MTRR: variants seen among roughly 807,000 people sequenced by gnomAD.
The protein encoded by MTRR is 5-methyltetrahydrofolate-homocysteine methyltransferase reductase.
A neutral mutation model predicts 79.2 loss-of-function variants in MTRR; 63 were observed. The ratio of observed to expected loss-of-function variants is 0.80; its 90% confidence interval spans 0.65 to 0.98. MTRR has a LOEUF of 0.98. MTRR is among the 50% of genes least tolerant of loss of function. MTRR has a pLI of 0.00. For synonymous variants in MTRR, 355 were observed against 313.3 expected, an observed-to-expected ratio of 1.13 and a Z score of -1.41; for missense variants, 895 against 839.6, an observed-to-expected ratio of 1.07 and a Z score of -0.82.
intron 2 of MTRR, among the ~76,000 whole-genome samples, chr5:7,862,259 G>GTTT (rs1444092623): frequency 6.6e-6 from 1 of 152,128 alleles, no homozygotes; most frequent in Non-Finnish European, 1.5e-5. Flanking sequence ...CGGAGGACTT[G>GTTT]GAGTCTCTTG....
intron 5 of MTRR, among the ~76,000 whole-genome samples, chr5:7,880,741 G>A (rs1182320930): frequency 6.6e-6 from 1 of 152,110 alleles, no homozygotes; most frequent in South Asian, 2.1e-4. Flanking sequence ...CCAATAATTC[G>A]GTGTTGCCCT....
At chr5:7,850,986 C>T, upstream of MTRR, 3 of 1,297,680 alleles carry the variant, frequency 2.3e-6, no homozygotes, top group South Asian at 2.8e-5. Context: ...TGCCCCGCAG[C>T]GTGGACGCGG....
chr5:7,870,018 C>T (rs1747641047), intron 1 of MTRR: 2 of 985,308 alleles, frequency 2.0e-6, no homozygotes, highest in Non-Finnish European at 2.4e-6. Flanking sequence ...ATTGACAGCC[C>T]ACCAATTTTA....
chr5:7,855,331 GA>G (rs150385415), intron 1 of MTRR, among the ~76,000 whole-genome samples: 3,791 of 145,784 alleles, frequency 0.026, 165 homozygotes, highest in African/African-American at 0.091. Flanking sequence ...GATAAAAAAA[GA>G]AAAAAAGCTT....
intron 1 of MTRR, chr5:7,861,887 G>A: frequency 1.4e-6 from 1 of 692,216 alleles, no homozygotes; most frequent in South Asian, 3.9e-5. Context: ...ACCACAGAAT[G>A]GGTTCTGAAG....
chr5:7,867,437 C>G (rs150488459), upstream of MTRR: 31 of 1,614,074 alleles, frequency 1.9e-5, no homozygotes, highest in Non-Finnish European at 2.6e-5. Flanking sequence ...ACAAAGATTG[C>G]GAACTTCCAT....
intron 2 of MTRR, among the ~76,000 whole-genome samples, chr5:7,872,005 ATT>A (rs3836787): frequency 2.0e-5 from 3 of 150,934 alleles, no homozygotes; most frequent in Admixed American, 6.6e-5. Context: ...TGAATGGTGA[ATT>A]TTTTTTTTTA....
intron 2 of MTRR, chr5:7,862,741 C>G: frequency 8.2e-7 from 1 of 1,217,720 alleles, no homozygotes; most frequent in Non-Finnish European, 1.2e-6. Context: ...CAGAGAACTT[C>G]TATTGCTTCT....
At position 7,900,862 on chromosome 5, in the gene MTRR, T is replaced by C. The variant is rs187494884; in HGVS notation, c.*804T>C. On this transcript the variant is annotated 3_prime_UTR_variant, in exon 15 of 15. Coordinates refer to ENST00000440940, the MANE Select transcript of MTRR (RefSeq NM_002454.3). ...GGCACATTTTTGAGTTTTCCCACAT[T>C]ATTTGTCTCCATGATACCACTCAAG... The C allele has an allele frequency of 7.6e-6, 1 of 130,888 alleles. No homozygotes were observed. The highest frequency in any genetic ancestry group is 2.7e-5 in the African/African-American group (1 of 36,732). 8.1% of individuals were successfully genotyped at this position (130,888 alleles called of 1,614,324 possible).
In MTRR at chr5:7,899,948, G is replaced by T; in HGVS notation, c.1987G>T (p.Ala663Ser). The T allele has an allele frequency of 6.2e-7, 1 of 1,614,146 alleles. No homozygotes were observed. Among genetic ancestry groups the T allele is most frequent in the Non-Finnish European group, 8.5e-7 (1 of 1,180,024 alleles). The part of the protein sequence containing the change: ...AKNMAKDVHD[A>S]LVQIISKEVG... ...GAATATGGCCAAGGATGTACATGATGCCCTTGTGCAAATAATAAGCAAAGA... is the reference window on the plus strand; with the variant it reads ...GAATATGGCCAAGGATGTACATGATTCCCTTGTGCAAATAATAAGCAAAGA... The change falls in exon 15 of 15, where the codon GCC becomes TCC. Residue 663 changes from alanine to serine, a missense_variant. Physicochemically the swap from Ala to Ser is moderately conservative, Grantham distance 99. Transcript: ENST00000440940.
chr5:7,894,702 T>G (rs1738206258), intron 11 of MTRR, among the ~76,000 whole-genome samples: 1 of 152,236 alleles, frequency 6.6e-6, no homozygotes, highest in Admixed American at 6.5e-5. Flanking sequence ...TTATCCTGTG[T>G]AATTTTGCTT....
At chr5:7,872,725 C>T (rs1401871042) in intron 2 of MTRR, among the ~76,000 whole-genome samples, 1 of 152,232 alleles carries the variant, frequency 6.6e-6, no homozygotes, top group East Asian at 1.9e-4. Flanking sequence ...TTCTTTACCA[C>T]AGTATTCTAC....
At chr5:7,868,777 G>A (rs1747274066), upstream of MTRR, among the ~76,000 whole-genome samples, 2 of 149,936 alleles carry the variant, frequency 1.3e-5, no homozygotes, top group Non-Finnish European at 2.9e-5. Flanking sequence ...GGCAACACGT[G>A]TGTGCAAGAC....
At chr5:7,875,849 C>T (rs990187897) in intron 4 of MTRR, among the ~76,000 whole-genome samples, 1 of 152,244 alleles carries the variant, frequency 6.6e-6, no homozygotes, top group East Asian at 1.9e-4. Context: ...TCTGAACGGC[C>T]ATTTGCCACC....
intron 6 of MTRR, 32 bp from the exon 7 acceptor site, chr5:7,885,669 A>ATTT (rs11398509): frequency 2.3e-4 from 330 of 1,411,278 alleles, no homozygotes; most frequent in African/African-American, 6.2e-4. Flanking sequence ...CGTATAATGT[A>ATTT]TTTTTTTTTT....
chr5:7,861,596 C>G (rs1746544459), intron 1 of MTRR: 1 of 1,594,118 alleles, frequency 6.3e-7, no homozygotes, highest in Non-Finnish European at 8.5e-7. Flanking sequence ...TTATGGATAT[C>G]TTCATTAGCT....
chr5:7,896,956 GGTATT>G lies in MTRR; in HGVS notation c.1769+4_1769+8del, dbSNP rs1738628526. ...CATAAGGATAGGGATTATCTATTCA[GGTATT>G]GTACAATTCCAGTATTGTACTCAAC... is the stretch of plus-strand genomic sequence containing the variant. On this transcript the variant is annotated splice_donor_variant and splice_donor_5th_base_variant and intron_variant, in intron 13 of 14. Coordinates refer to ENST00000440940, the MANE Select transcript of MTRR (RefSeq NM_002454.3). LOFTEE classifies it high-confidence loss of function. 6.2e-7 allele frequency: 1 copy of G among 1,613,704 alleles called. No homozygotes were observed. The highest frequency in any genetic ancestry group is 1.3e-5 in the African/African-American group (1 of 74,838).
At chr5:7,856,046 A>G (rs1365811523) in intron 1 of MTRR, among the ~76,000 whole-genome samples, 1 of 152,278 alleles carries the variant, frequency 6.6e-6, no homozygotes, top group East Asian at 1.9e-4. Flanking sequence ...TTTAGGTAAA[A>G]TTTAATGAAG....
chr5:7,896,834 C>T lies in MTRR; in HGVS notation c.1677-30C>T, dbSNP rs762848366. 4.4e-6 allele frequency: 7 copies of T among 1,573,176 alleles called. No individual in the cohort carries two copies. In the South Asian group the frequency reaches 7.8e-5, roughly 17 times the overall value. The stretch of plus-strand genomic sequence containing the variant: ...TTGGTTTTACATATTCTTTATATCA[C>T]ACACCTAAACTTTTTTTTTTTCCAC... On this transcript the variant is annotated intron_variant, in intron 12 of 14. Transcript: ENST00000440940.
Sources: allele counts gnomAD v4.1 joint callset (sites outside exome capture counted in the v4.1 genomes callset), GRCh38; gene constraint gnomAD v4.1.1; transcripts MANE v1.5; gene names NCBI Gene and HGNC (gene_info 2026-07-23, HGNC 2026-07-21).